The following STK32B variants were observed in gnomAD, a reference collection of about 807,000 sequenced individuals.
The protein encoded by STK32B is serine/threonine-protein kinase 32B.
STK32B carries 43 observed loss-of-function variants against 52.6 expected under a neutral mutation model. That is an observed-to-expected ratio of 0.82 (90% CI 0.64 to 1.05). The LOEUF is 1.05. Ranked by LOEUF, STK32B falls within the 50% of genes least tolerant of loss-of-function variation. The pLI is 0.00. For synonymous variants in STK32B, 238 were observed against 204.3 expected (o/e 1.17, Z -1.41); for missense variants, 621 against 534.6 (o/e 1.16, Z -1.59).
intron 1 of STK32B, among the ~76,000 whole-genome samples, chr4:5,074,301 C>G (rs1711956568): frequency 6.6e-6 from 1 of 151,636 alleles, no homozygotes; most frequent in African/African-American, 2.4e-5. Flanking sequence ...CTGTATTGTC[C>G]ACCCTTCTCT....
intron 1 of STK32B, among the ~76,000 whole-genome samples, chr4:5,068,416 C>T (rs79090453): frequency 0.15 from 22,185 of 152,060 alleles, 1,961 homozygotes; most frequent in Non-Finnish European, 0.2. Flanking sequence ...GAATAATGGC[C>T]CCCAGTTCAA....
At chr4:5,446,045 CA>C (rs1715384759) in intron 6 of STK32B, among the ~76,000 whole-genome samples, 1 of 152,218 alleles carries the variant, frequency 6.6e-6, no homozygotes, top group African/African-American at 2.4e-5. Flanking sequence ...CCCGTTCTCC[CA>C]GCAAACATAC....
At chr4:5,494,728 C>T (rs1023966823) in intron 11 of STK32B, among the ~76,000 whole-genome samples, 30 of 151,610 alleles carry the variant, frequency 2.0e-4, no homozygotes, top group African/African-American at 6.3e-4. Flanking sequence ...TGTTCCTTTC[C>T]ATGTTTAGTG....
intron 3 of STK32B, among the ~76,000 whole-genome samples, chr4:5,284,256 A>G (rs2108874604): frequency 6.6e-6 from 1 of 152,314 alleles, no homozygotes; most frequent in South Asian, 2.1e-4. Context: ...AAAACCATCA[A>G]ACCACAAAAG....
intron 2 of STK32B, among the ~76,000 whole-genome samples, chr4:5,159,824 G>C (rs997567404): frequency 2.4e-4 from 36 of 148,382 alleles, no homozygotes; most frequent in African/African-American, 8.0e-4. Context: ...ATTGGAGTTT[G>C]ATTGATTTCG....
rs115215327 is a variant in STK32B, at chr4:5,404,446, G to A, written c.472+6202G>A. ...TTTCAATATGACTTCATCATAATGT[G>A]TGTATATAAGCAAGTATTAGTTATC... On this transcript the variant is annotated intron_variant, in intron 5 of 11. Transcript: ENST00000282908. 6.0e-3 allele frequency among the ~76,000 whole-genome samples: 911 copies of A among 152,178 alleles called. 8 individuals carry two copies. The highest frequency in any genetic ancestry group is 0.021 in the African/African-American group (854 of 41,480).
At chr4:5,479,826 A>C (rs1029730580) in intron 11 of STK32B, among the ~76,000 whole-genome samples, 3 of 151,854 alleles carry the variant, frequency 2.0e-5, no homozygotes, top group Non-Finnish European at 4.4e-5. Context: ...AGTAATTTCA[A>C]CTCTGTGTTT....
At chr4:5,178,865 C>G (rs1720129789) in intron 3 of STK32B, among the ~76,000 whole-genome samples, 2 of 152,194 alleles carry the variant, frequency 1.3e-5, no homozygotes, top group Non-Finnish European at 2.9e-5. Flanking sequence ...CTAGGAGTTT[C>G]CAACTTTCCC....
At chr4:5,248,529 T>C (rs57333381) in intron 3 of STK32B, among the ~76,000 whole-genome samples, 12,202 of 152,188 alleles carry the variant, frequency 0.08, 729 homozygotes, top group African/African-American at 0.17. Flanking sequence ...GTTAGTCAAA[T>C]TTGACACCTG....
chr4:5,119,153 G>T (rs1714892454), intron 1 of STK32B, among the ~76,000 whole-genome samples: 1 of 152,256 alleles, frequency 6.6e-6, no homozygotes, highest in Admixed American at 6.5e-5. Flanking sequence ...AACGCGGGCT[G>T]CAGGCTCTCC....
chr4:5,260,675 C>T (rs1039891940), intron 3 of STK32B, among the ~76,000 whole-genome samples: 1 of 152,152 alleles, frequency 6.6e-6, no homozygotes, highest in African/African-American at 2.4e-5. Flanking sequence ...ACATCTGGCA[C>T]ATGTCAGACG....
chr4:5,319,715 G>A (rs192754835), intron 3 of STK32B, among the ~76,000 whole-genome samples: 6 of 152,166 alleles, frequency 3.9e-5, no homozygotes, highest in African/African-American at 1.4e-4. Flanking sequence ...AGAGAATACA[G>A]TCTTGTTAGT....
At chr4:5,476,684 G>T (rs139582897) in intron 11 of STK32B, among the ~76,000 whole-genome samples, 162 of 152,134 alleles carry the variant, frequency 1.1e-3, no homozygotes, top group African/African-American at 3.7e-3. Context: ...CCTGGCACCT[G>T]TGAAAATGAC....
chr4:5,190,933 C>G (rs576519282), intron 3 of STK32B, among the ~76,000 whole-genome samples: 1 of 152,300 alleles, frequency 6.6e-6, no homozygotes, highest in East Asian at 1.9e-4. Context: ...CATAGCCAGC[C>G]TTTGTGACTC....
At chr4:5,239,277 C>T (rs1488057597) in intron 3 of STK32B, among the ~76,000 whole-genome samples, 1 of 152,148 alleles carries the variant, frequency 6.6e-6, no homozygotes, top group Non-Finnish European at 1.5e-5. Context: ...AAAGATTTCT[C>T]TGGCTGCTGG....
At chr4:5,069,400 C>A (rs909317397) in intron 1 of STK32B, among the ~76,000 whole-genome samples, 1 of 152,070 alleles carries the variant, frequency 6.6e-6, no homozygotes, top group Non-Finnish European at 1.5e-5. Flanking sequence ...CACCTTCCAG[C>A]CCAGCTTAGA....
intron 4 of STK32B, among the ~76,000 whole-genome samples, chr4:5,384,024 G>T (rs28401757): frequency 0.25 from 38,051 of 151,698 alleles, 5,635 homozygotes; most frequent in African/African-American, 0.43. Flanking sequence ...AGAGGGAGGG[G>T]TCCTGTGCAC....
At chr4:5,132,727 A>G (rs2108823161) in intron 1 of STK32B, among the ~76,000 whole-genome samples, 1 of 152,182 alleles carries the variant, frequency 6.6e-6, no homozygotes, top group South Asian at 2.1e-4. Context: ...TACCAAGTAT[A>G]TGGCCATTTG....
chr4:5,408,466 G>T (rs1045387688), intron 5 of STK32B, among the ~76,000 whole-genome samples: 1 of 152,060 alleles, frequency 6.6e-6, no homozygotes, highest in African/African-American at 2.4e-5. Context: ...AGAAACCAAG[G>T]AGGTGCCACT....
Sources: gnomAD v4.1 joint callset for allele counts (sites outside exome capture counted in the v4.1 genomes callset) on GRCh38, gnomAD v4.1.1 for gene constraint, MANE v1.5 for transcripts, NCBI Gene and HGNC (gene_info 2026-07-23, HGNC 2026-07-21) for gene names.